NRP1: variants seen among roughly 807,000 people sequenced by gnomAD.
The protein encoded by NRP1 is neuropilin 1, also known as neuropilin-1.
NRP1 carries 35 observed loss-of-function variants against 106.7 expected under a neutral mutation model. That is an observed-to-expected ratio of 0.33 (90% CI 0.25 to 0.43). The LOEUF (loss-of-function observed/expected upper bound fraction) is 0.43. Ranked by LOEUF, NRP1 falls within the 20% of genes least tolerant of loss-of-function variation. NRP1 has a pLI of 1.00. For synonymous variants in NRP1, 437 were observed against 417.9 expected, an observed-to-expected ratio of 1.05 and a Z score of -0.56; for missense variants, 1,024 against 1,170.4, an observed-to-expected ratio of 0.87 and a Z score of 1.83.
At chr10:33,325,458 A>C (rs1847821344) in intron 2 of NRP1, among the ~76,000 whole-genome samples, 1 of 152,206 alleles carries the variant, frequency 6.6e-6, no homozygotes, top group South Asian at 2.1e-4. Flanking sequence ...AATATTACTC[A>C]TATTACTCAG....
chr10:33,233,144 C>A (rs188915286), intron 6 of NRP1, among the ~76,000 whole-genome samples: 15 of 152,084 alleles, frequency 9.9e-5, no homozygotes, highest in Admixed American at 6.5e-5. Context: ...GAAGAGGAAA[C>A]CCCAAGCCTT....
At chr10:33,227,634 A>G (rs1014614289) in intron 6 of NRP1, among the ~76,000 whole-genome samples, 1 of 151,852 alleles carries the variant, frequency 6.6e-6, no homozygotes, top group Non-Finnish European at 1.5e-5. Context: ...ACTCCTCAAC[A>G]CGACAGCCTT....
intron 2 of NRP1, among the ~76,000 whole-genome samples, chr10:33,301,215 C>T (rs573695951): frequency 5.5e-4 from 83 of 152,242 alleles, no homozygotes; most frequent in Non-Finnish European, 9.0e-4. Context: ...AACTGAATGT[C>T]GAGGGCTTGA....
intron 2 of NRP1, among the ~76,000 whole-genome samples, chr10:33,314,017 CTTCT>C (rs1846816228): frequency 9.7e-6 from 1 of 102,846 alleles, no homozygotes; most frequent in African/African-American, 2.9e-5. Context: ...TCCTTCCTTC[CTTCT>C]CTCTCTCTCT....
chr10:33,309,438 G>A (rs1183554121), intron 2 of NRP1, among the ~76,000 whole-genome samples: 5 of 152,142 alleles, frequency 3.3e-5, no homozygotes, highest in East Asian at 1.9e-4. Context: ...AAAGAAATGC[G>A]CGGTGTCTCT....
intron 9 of NRP1, among the ~76,000 whole-genome samples, chr10:33,210,627 CCTT>C (rs1838226482): frequency 6.6e-6 from 1 of 152,168 alleles, no homozygotes; most frequent in Admixed American, 6.5e-5. Context: ...AGTGTTTCGA[CCTT>C]CTCTCTGTTG....
At chr10:33,185,830 A>G (rs971672540) in intron 14 of NRP1, 106 bp from the exon 15 acceptor site, 1 of 987,938 alleles carries the variant, frequency 1.0e-6, no homozygotes, top group African/African-American at 1.6e-5. Flanking sequence ...TAAATTCATC[A>G]GATTCAGCGT....
chr10:33,263,395 A>G (rs1364426274), intron 4 of NRP1, among the ~76,000 whole-genome samples: 2 of 152,228 alleles, frequency 1.3e-5, no homozygotes. Context: ...AAATAGCTAA[A>G]AGAACCTTTT....
Position 33,221,276 on chromosome 10 carries a change from T to C in NRP1, c.1282+443A>G, listed in dbSNP as rs184110555. On this transcript the variant is annotated intron_variant, in intron 8 of 16. Coordinates refer to ENST00000374867, the MANE Select transcript of NRP1 (RefSeq NM_003873.7). ...TCTTTCATGCAACAGTTACTTATTGTAAATCTACTAAGTAGTAGTCAGTAT... is the reference window on the plus strand; with the variant it reads ...TCTTTCATGCAACAGTTACTTATTGCAAATCTACTAAGTAGTAGTCAGTAT... Among the ~76,000 whole-genome samples, 117 of 152,306 alleles carry C rather than the reference T, an allele frequency of 7.7e-4. 3 individuals carry two copies. Among genetic ancestry groups the C allele is most frequent in the Admixed American group, 3.2e-3 (49 of 15,296 alleles).
At chr10:33,204,570 C>A (rs1837610276) in intron 10 of NRP1, among the ~76,000 whole-genome samples, 1 of 151,996 alleles carries the variant, frequency 6.6e-6, no homozygotes, top group African/African-American at 2.4e-5. Context: ...GCTGATTTTT[C>A]TGCATTCATC....
chr10:33,329,733 A>G (rs1176515202), intron 2 of NRP1, among the ~76,000 whole-genome samples: 1 of 152,196 alleles, frequency 6.6e-6, no homozygotes, highest in Non-Finnish European at 1.5e-5. Flanking sequence ...ATGGATATTC[A>G]GGTTCAAGTC....
intron 6 of NRP1, among the ~76,000 whole-genome samples, chr10:33,241,321 C>T (rs1464912436): frequency 1.3e-5 from 2 of 152,118 alleles, no homozygotes; most frequent in African/African-American, 2.4e-5. Context: ...GTGGACAGAA[C>T]TCAAATTCTT....
chr10:33,207,550 T>C (rs760493598), intron 10 of NRP1, 22 bp downstream of exon 10: 1 of 1,612,952 alleles, frequency 6.2e-7, no homozygotes, highest in Admixed American at 1.7e-5. Flanking sequence ...GCATGAGAAG[T>C]AACTCTGGAG....
chr10:33,186,595 G>T lies in NRP1; in HGVS notation c.2063-107C>A, dbSNP rs575764436. 22 of 1,314,878 alleles carry T rather than the reference G, an allele frequency of 1.7e-5. No homozygotes were observed. In the African/African-American group the frequency reaches 2.9e-4, roughly 17 times the overall value. The allele number at this position is 1,314,878 out of a possible 1,614,324, so 81.5% of individuals were successfully genotyped here. On this transcript the variant is annotated intron_variant, in intron 13 of 16. Transcript: ENST00000374867. ...AAAAGCTTCCTGCGCTGAGCACCAA[G>T]AACCCAAATACGTAGTGGAAAGGGA...
chr10:33,246,713 G>A (rs1841458712), intron 6 of NRP1, among the ~76,000 whole-genome samples: 1 of 152,106 alleles, frequency 6.6e-6, no homozygotes. Context: ...GTAACCCAGT[G>A]AGCTATTTTT....
In NRP1 at chr10:33,283,466, G is replaced by T. The variant is rs1432821672; in HGVS notation, c.249-12610C>A. 2.6e-5 allele frequency among the ~76,000 whole-genome samples: 4 copies of T among 151,718 alleles called. No individual in the cohort carries two copies. The East Asian group carries it at 7.7e-4, about 29-fold the overall frequency. Reference sequence around the variant, plus strand: ...TCCTCTATATGCCCAAAATCAATCTGTAATGCAGTGAATAATTTATATAAT... The same window carrying T: ...TCCTCTATATGCCCAAAATCAATCTTTAATGCAGTGAATAATTTATATAAT... On this transcript the variant is annotated intron_variant, in intron 2 of 16. Transcript: ENST00000374867.
intron 8 of NRP1, among the ~76,000 whole-genome samples, chr10:33,220,932 A>G (rs1839196716): frequency 6.6e-6 from 1 of 151,338 alleles, no homozygotes; most frequent in Non-Finnish European, 1.5e-5. Flanking sequence ...AAGAAAAACA[A>G]ATAAAAAGAT....
At chr10:33,291,945 C>T (rs915067719) in intron 2 of NRP1, among the ~76,000 whole-genome samples, 2 of 152,164 alleles carry the variant, frequency 1.3e-5, no homozygotes, top group Non-Finnish European at 2.9e-5. Flanking sequence ...AATCTGTCAC[C>T]CAGGCTGGAG....
chr10:33,324,943 CTTCTAAGACTCTAG>C lies in NRP1; in HGVS notation c.248+5751_248+5764del, dbSNP rs1394766621. 9.2e-5 allele frequency among the ~76,000 whole-genome samples: 14 copies of C among 152,286 alleles called. No homozygotes were observed. In the East Asian group the frequency reaches 2.5e-3, roughly 27 times the overall value. On this transcript the variant is annotated intron_variant, in intron 2 of 16. Transcript: ENST00000374867. ...ACCGTGCCTGGCCTGTACATACAGA[CTTCTAAGACTCTAG>C]TTGAGTTTTACCTGATTTTGAAATG...
Sources: gnomAD v4.1 joint callset for allele counts (sites outside exome capture counted in the v4.1 genomes callset) on GRCh38, gnomAD v4.1.1 for gene constraint, MANE v1.5 for transcripts, NCBI Gene and HGNC (gene_info 2026-07-23, HGNC 2026-07-21) for gene names.